Variants in SERPINB8 observed in about 807,000 individuals in gnomAD.
The protein encoded by SERPINB8 is serpin family B member 8.
SERPINB8 carries 25 observed loss-of-function variants against 35.3 expected under a neutral mutation model. The ratio of observed to expected loss-of-function variants is 0.71; its 90% CI spans 0.52 to 0.99. SERPINB8 has a LOEUF of 0.99. Ranked by LOEUF, SERPINB8 falls within the 50% of genes least tolerant of loss-of-function variation. The probability of loss-of-function intolerance (pLI) is 0.00; values close to 1 mark genes in which losing one functional copy is unlikely to be tolerated. For synonymous variants in SERPINB8, 186 were observed against 160.8 expected, an observed-to-expected ratio of 1.16 and a Z score of -1.19; for missense variants, 484 against 446.5, an observed-to-expected ratio of 1.08 and a Z score of -0.76.
At chr18:64,005,764 T>C (rs1356738577), downstream of SERPINB8, 1 of 152,158 alleles carries the variant, frequency 6.6e-6, no homozygotes, top group African/African-American at 2.4e-5. Context: ...AGAGATCAGA[T>C]CTCAGTCTGT....
chr18:63,982,618 C>T (rs1284812834), intron 4 of SERPINB8, among the ~76,000 whole-genome samples: 1 of 152,148 alleles, frequency 6.6e-6, no homozygotes, highest in Admixed American at 6.5e-5. Flanking sequence ...AAAGCCAATA[C>T]AATAATTACC....
At chr18:63,985,376 T>C (rs1452681099) in intron 6 of SERPINB8, 131 bp downstream of exon 6, 68 of 937,418 alleles carry the variant, frequency 7.3e-5, no homozygotes, top group Non-Finnish European at 8.9e-5. Flanking sequence ...TGAACATCAT[T>C]GTGTGTCTTT....
chr18:63,972,301 C>A (rs756219058), intron 1 of SERPINB8, among the ~76,000 whole-genome samples: 1 of 152,066 alleles, frequency 6.6e-6, no homozygotes, highest in African/African-American at 2.4e-5. Context: ...TTGAACTTTA[C>A]GTATATGGAA....
chr18:63,985,596 C>T (rs949241131), intron 6 of SERPINB8, among the ~76,000 whole-genome samples: 2 of 152,204 alleles, frequency 1.3e-5, no homozygotes, highest in African/African-American at 2.4e-5. Context: ...TTCTCAAACA[C>T]TAATGCACAT....
At chr18:63,995,068 T>C (rs776356788) in intron 1 of SERPINB8, among the ~76,000 whole-genome samples, 2 of 152,106 alleles carry the variant, frequency 1.3e-5, no homozygotes, top group African/African-American at 4.8e-5. Flanking sequence ...AGGAGGAGAC[T>C]GAAGAGTTCC....
At position 63,989,364 on chromosome 18, in the gene SERPINB8, T is replaced by TTA. The variant is rs955737697; in HGVS notation, c.*2095_*2096dup. The TTA allele has an allele frequency of 2.6e-5, 4 of 152,180 alleles. No individual in the cohort carries two copies. The highest frequency in any genetic ancestry group is 6.5e-5 in the Admixed American group (1 of 15,276). 9.4% of individuals were successfully genotyped at this position (152,180 alleles called of 1,614,324 possible). ...TTGAAAATAAAGTTTTTATGAATAT[T>TTA]TATATATATACATCTTTGTATGGAC... On this transcript the variant is annotated 3_prime_UTR_variant, in exon 7 of 7. Transcript: ENST00000397985.
chr18:63,989,493 A>C (rs945338542), downstream of SERPINB8: 6 of 152,182 alleles, frequency 3.9e-5, no homozygotes, highest in Non-Finnish European at 7.4e-5. Flanking sequence ...ATTGCCTTTG[A>C]AAGTGGTTGT....
chr18:63,979,944 T>C lies in SERPINB8; in HGVS notation c.306+6T>C. ...AGACGTGTGATTTCCTTCCAGTAAGTAGTATTCACATATTGATGACAAAGA... is the reference window on the plus strand; with the variant it reads ...AGACGTGTGATTTCCTTCCAGTAAGCAGTATTCACATATTGATGACAAAGA... On this transcript the variant is annotated splice_donor_region_variant and intron_variant, in intron 3 of 6. Coordinates refer to ENST00000397985, the MANE Select transcript of SERPINB8 (RefSeq NM_002640.4). The C allele has an allele frequency of 6.2e-7, 1 of 1,613,760 alleles. No individual in the cohort carries two copies. The highest frequency in any genetic ancestry group is 8.5e-7 in the Non-Finnish European group (1 of 1,179,726).
downstream of SERPINB8, among the ~76,000 whole-genome samples, chr18:63,994,337 TTCTCTC>T (rs374249422): frequency 6.7e-6 from 1 of 149,742 alleles, no homozygotes; most frequent in Admixed American, 6.7e-5. Flanking sequence ...CCCTCTCTCT[TTCTCTC>T]TCTCTCTCTC....
At chr18:64,016,631 A>G (rs958424654) in intron 7 of SERPINB8, among the ~76,000 whole-genome samples, 1 of 152,184 alleles carries the variant, frequency 6.6e-6, no homozygotes, top group Non-Finnish European at 1.5e-5. Flanking sequence ...TATTTTATGG[A>G]ATCGAAACTC....
intron 1 of SERPINB8, among the ~76,000 whole-genome samples, chr18:63,997,295 T>C (rs1295200810): frequency 6.6e-6 from 1 of 152,208 alleles, no homozygotes; most frequent in Non-Finnish European, 1.5e-5. Context: ...AGCAGAGGCC[T>C]CAAATATCCA....
At chr18:64,007,513 C>T (rs1248702222), downstream of SERPINB8, among the ~76,000 whole-genome samples, 3 of 152,048 alleles carry the variant, frequency 2.0e-5, no homozygotes, top group African/African-American at 4.8e-5. Context: ...TGTATTAGTC[C>T]GTTCTCTCAC....
chr18:63,971,167 C>T (rs1273850312), intron 1 of SERPINB8, among the ~76,000 whole-genome samples: 1 of 152,200 alleles, frequency 6.6e-6, no homozygotes, highest in Non-Finnish European at 1.5e-5. Context: ...GTTTCGCGCG[C>T]GCGCTCTCCC....
At chr18:63,981,934 G>A (rs777683394) in intron 4 of SERPINB8, 96 bp downstream of exon 4, 25 of 785,086 alleles carry the variant, frequency 3.2e-5, no homozygotes, top group Non-Finnish European at 4.9e-5. Context: ...ACTGTGACCT[G>A]CATACCACAG....
downstream of SERPINB8, among the ~76,000 whole-genome samples, chr18:64,010,175 A>C (rs2144849047): frequency 6.6e-6 from 1 of 152,284 alleles, no homozygotes; most frequent in Middle Eastern, 3.4e-3. Context: ...CAATAAACAT[A>C]TGAAAAGATG....
At chr18:63,971,591 C>A (rs1033137575) in intron 1 of SERPINB8, among the ~76,000 whole-genome samples, 3 of 152,258 alleles carry the variant, frequency 2.0e-5, no homozygotes, top group Non-Finnish European at 4.4e-5. Flanking sequence ...CACTGCCTGG[C>A]AATTCCAGCC....
chr18:64,007,734 G>A (rs2050906833), downstream of SERPINB8, among the ~76,000 whole-genome samples: 2 of 152,262 alleles, frequency 1.3e-5, no homozygotes, highest in South Asian at 4.1e-4. Flanking sequence ...TATACAATCA[G>A]ATCTCATGGT....
chr18:63,979,729 G>T (rs2050639949), intron 2 of SERPINB8, 72 bp from the exon 3 acceptor site: 1 of 1,576,770 alleles, frequency 6.3e-7, no homozygotes, highest in South Asian at 1.1e-5. Context: ...TAGTACAGAG[G>T]TTTGTTTGGA....
intron 7 of SERPINB8, among the ~76,000 whole-genome samples, chr18:64,014,229 T>A (rs2050939249): frequency 6.6e-6 from 1 of 152,182 alleles, no homozygotes; most frequent in South Asian, 2.1e-4. Context: ...TCATAGGTTC[T>A]CATGTTGGAC....
Sources: gnomAD v4.1 joint callset for allele counts (sites outside exome capture counted in the v4.1 genomes callset) on GRCh38, gnomAD v4.1.1 for gene constraint, MANE v1.5 for transcripts, NCBI Gene and HGNC (gene_info 2026-07-23, HGNC 2026-07-21) for gene names.